UNC79: variants seen among roughly 807,000 people sequenced by gnomAD.
The protein encoded by UNC79 is protein unc-79 homolog.
UNC79 carries 37 observed loss-of-function variants against 283.1 expected under a neutral mutation model. The observed-to-expected ratio is 0.13, with a 90% CI of 0.10 to 0.17. The LOEUF is 0.17. Ranked by LOEUF, UNC79 falls within the 10% of genes least tolerant of loss-of-function variation. The probability of loss-of-function intolerance (pLI) is 1.00; values close to 1 mark genes in which losing one functional copy is unlikely to be tolerated. For synonymous variants in UNC79, 1,107 were observed against 1,200.2 expected (o/e 0.92, Z 1.61); for missense variants, 2,272 against 3,211.1 (o/e 0.71, Z 7.07).
At chr14:93,397,227 G>A (rs570003784) in intron 1 of UNC79, 2 of 152,176 alleles carry the variant, frequency 1.3e-5, no homozygotes, top group East Asian at 1.9e-4. Context: ...ACTACCATCC[G>A]ACAAGCCAGG....
chr14:93,402,269 T>A (rs1391770154), intron 1 of UNC79, among the ~76,000 whole-genome samples: 1 of 93,514 alleles, frequency 1.1e-5, no homozygotes, highest in Non-Finnish European at 1.9e-5. Flanking sequence ...AGAGTGAGAC[T>A]CTGTCTCAAA....
At chr14:93,506,467 T>C (rs1290194699) in intron 7 of UNC79, among the ~76,000 whole-genome samples, 1 of 152,170 alleles carries the variant, frequency 6.6e-6, no homozygotes, top group Non-Finnish European at 1.5e-5. Flanking sequence ...TTATTTTTCA[T>C]ACTTTGAAGG....
At chr14:93,707,531 T>C (rs2075942659), downstream of UNC79, 1 of 152,308 alleles carries the variant, frequency 6.6e-6, no homozygotes, top group Admixed American at 6.5e-5. Flanking sequence ...TCATTAGTTC[T>C]AGGCTGTACT....
At chr14:93,348,187 A>G in intron 1 of UNC79, 3 of 976,590 alleles carry the variant, frequency 3.1e-6, no homozygotes, top group Admixed American at 3.5e-5. Context: ...GTTTTTGTTA[A>G]CGAGCAAAAT....
At chr14:93,595,533 C>T (rs2065017703) in intron 23 of UNC79, among the ~76,000 whole-genome samples, 2 of 152,208 alleles carry the variant, frequency 1.3e-5, no homozygotes, top group African/African-American at 2.4e-5. Context: ...TCTTTCTACA[C>T]ACACCCTTGC....
intron 14 of UNC79, among the ~76,000 whole-genome samples, chr14:93,561,520 G>A (rs749195837): frequency 5.9e-5 from 9 of 152,006 alleles, no homozygotes; most frequent in Non-Finnish European, 1.2e-4. Flanking sequence ...CTGTGTAGGC[G>A]CAGGAGGAAA....
intron 7 of UNC79, among the ~76,000 whole-genome samples, chr14:93,502,889 A>G (rs970970476): frequency 1.3e-5 from 2 of 152,252 alleles, no homozygotes; most frequent in African/African-American, 4.8e-5. Context: ...TTTGAGATGT[A>G]TACAAGTTAA....
At chr14:93,520,208 C>T (rs534365050) in intron 7 of UNC79, among the ~76,000 whole-genome samples, 1 of 151,882 alleles carries the variant, frequency 6.6e-6, no homozygotes, top group East Asian at 1.9e-4. Flanking sequence ...TTTCTTTCAG[C>T]CTATTAAAGA....
intron 5 of UNC79, among the ~76,000 whole-genome samples, chr14:93,490,038 G>T (rs1225017204): frequency 6.6e-6 from 1 of 152,216 alleles, no homozygotes; most frequent in East Asian, 1.9e-4. Flanking sequence ...AGGCACTGGG[G>T]TATAGGACTG....
At chr14:93,418,041 G>C (rs1206720304) in intron 1 of UNC79, among the ~76,000 whole-genome samples, 1 of 151,898 alleles carries the variant, frequency 6.6e-6, no homozygotes, top group African/African-American at 2.4e-5. Flanking sequence ...TCTCTGTCCA[G>C]CTTTGTTCCG....
At chr14:93,395,829 C>A (rs748697455) in intron 1 of UNC79, among the ~76,000 whole-genome samples, 1 of 151,870 alleles carries the variant, frequency 6.6e-6, no homozygotes, top group African/African-American at 2.4e-5. Flanking sequence ...GGGCTTTCAA[C>A]CTTTTTTTCT....
chr14:93,431,960 T>A (rs2055898685), intron 1 of UNC79, among the ~76,000 whole-genome samples: 1 of 152,228 alleles, frequency 6.6e-6, no homozygotes, highest in South Asian at 2.1e-4. Flanking sequence ...AACTTCAGAT[T>A]GTAAATAAAA....
At chr14:93,629,684 A>G (rs2067863951) in intron 30 of UNC79, among the ~76,000 whole-genome samples, 1 of 152,266 alleles carries the variant, frequency 6.6e-6, no homozygotes, top group Non-Finnish European at 1.5e-5. Context: ...ATCTAATAAT[A>G]GAATGGCATT....
At chr14:93,630,745 T>C in intron 30 of UNC79, 56 bp from the exon 33 acceptor site, 1 of 1,408,994 alleles carries the variant, frequency 7.1e-7, no homozygotes, top group Non-Finnish European at 1.0e-6. Context: ...TAGAAAAGGT[T>C]CTTGAACTTG....
At chr14:93,650,112 T>C (rs993780285) in intron 35 of UNC79, among the ~76,000 whole-genome samples, 1 of 152,212 alleles carries the variant, frequency 6.6e-6, no homozygotes, top group Non-Finnish European at 1.5e-5. Flanking sequence ...CTCAGCATGA[T>C]GTTTTTGAGA....
chr14:93,394,196 A>C (rs1228208062), intron 1 of UNC79, among the ~76,000 whole-genome samples: 2 of 152,102 alleles, frequency 1.3e-5, no homozygotes, highest in Non-Finnish European at 2.9e-5. Flanking sequence ...CTAAGCATTT[A>C]TGCCCACTGA....
chr14:93,557,278 T>C (rs2062228644), intron 14 of UNC79, among the ~76,000 whole-genome samples: 1 of 152,230 alleles, frequency 6.6e-6, no homozygotes. Flanking sequence ...TATTGGGACA[T>C]CTGGACTTTC....
Position 93,335,521 on chromosome 14 carries a change from T to C in UNC79, c.-351+1998T>C, listed in dbSNP as rs113569150. Reference sequence around the variant, plus strand: ...TGTTAAGATGGTACTAAGTAGTGGTTAACAGCATGCATTCTAGAATCAGAT... The same window carrying C: ...TGTTAAGATGGTACTAAGTAGTGGTCAACAGCATGCATTCTAGAATCAGAT... On this transcript the variant is annotated intron_variant, in intron 1 of 49. Transcript: ENST00000256339. Among the ~76,000 whole-genome samples, 1,279 of 152,364 alleles carry C rather than the reference T, an allele frequency of 8.4e-3. 19 individuals carry two copies. Among genetic ancestry groups the C allele is most frequent in the African/African-American group, 0.029 (1,219 of 41,578 alleles).
chr14:93,513,060 T>G (rs1285408560), intron 7 of UNC79, among the ~76,000 whole-genome samples: 1 of 152,172 alleles, frequency 6.6e-6, no homozygotes, highest in Non-Finnish European at 1.5e-5. Context: ...CCTTCTTGCA[T>G]CAAGGCTTAG....
Sources: gnomAD v4.1 joint callset for allele counts (sites outside exome capture counted in the v4.1 genomes callset) on GRCh38, gnomAD v4.1.1 for gene constraint, MANE v1.5 for transcripts, NCBI Gene and HGNC (gene_info 2026-07-23, HGNC 2026-07-21) for gene names.